Variants in MGLL observed in about 807,000 individuals in gnomAD.
MGLL encodes monoglyceride lipase.
In MGLL, 7 loss-of-function variants were observed where a neutral mutation model predicts 29.1. That is an observed-to-expected ratio of 0.24 (90% confidence interval 0.14 to 0.45). The LOEUF (loss-of-function observed/expected upper bound fraction) is 0.45, where lower values mean the gene tolerates loss of function less well. Among genes scored for constraint, MGLL ranks in the 20% least tolerant of loss-of-function variants. The pLI is 0.99. For missense variants in MGLL, 356 were observed against 413.6 expected, an observed-to-expected ratio of 0.86 and a Z score of 1.21; for synonymous variants, 148 against 168.3, an observed-to-expected ratio of 0.88 and a Z score of 0.93.
intron 2 of MGLL, among the ~76,000 whole-genome samples, chr3:127,796,028 G>A (rs1433014782): frequency 1.3e-5 from 2 of 152,088 alleles, no homozygotes; most frequent in African/African-American, 2.4e-5. Flanking sequence ...ATCTTCCCAT[G>A]GAAATAGCAT....
At position 127,691,824 on chromosome 3, in the gene MGLL, G is replaced by A. The variant is rs1025521538; in HGVS notation, c.*374C>T. On this transcript the variant is annotated 3_prime_UTR_variant, in exon 8 of 8. Coordinates refer to ENST00000265052, the MANE Select transcript of MGLL (RefSeq NM_007283.7). Reference sequence around the variant, plus strand: ...GCGTGAGCGAAGGGTGGGCAGGAAGGAGGCGCCTCCAGTTATTGCAGTCTG... The same window carrying A: ...GCGTGAGCGAAGGGTGGGCAGGAAGAAGGCGCCTCCAGTTATTGCAGTCTG... The A allele has an allele frequency of 3.5e-6, 1 of 289,308 alleles. No homozygotes were observed. The highest frequency in any genetic ancestry group is 6.7e-6 in the Non-Finnish European group (1 of 149,722). 17.9% of individuals were successfully genotyped at this position (289,308 alleles called of 1,614,324 possible).
Position 127,761,674 on chromosome 3 carries a change from G to T in MGLL, c.262+20115C>A, listed in dbSNP as rs570224539. 6.6e-6 allele frequency among the ~76,000 whole-genome samples: 1 copy of T among 152,330 alleles called. No homozygotes were observed. Among genetic ancestry groups the T allele is most frequent in the East Asian group, 1.9e-4 (1 of 5,188 alleles). On this transcript the variant is annotated intron_variant, in intron 3 of 7. Transcript: ENST00000265052. This position sits in a 1 kb window ranked among gnomAD's most constrained non-coding sequence, Gnocchi z 4.6. Reference sequence around the variant, plus strand: ...GTGAGGACACGGAGGCACAGAGAGGGCTGGCGCACAGCCGGCCGTGGGCAG... The same window carrying T: ...GTGAGGACACGGAGGCACAGAGAGGTCTGGCGCACAGCCGGCCGTGGGCAG...
At chr3:127,797,892 G>A (rs537737482) in intron 2 of MGLL, among the ~76,000 whole-genome samples, 122 of 152,182 alleles carry the variant, frequency 8.0e-4, no homozygotes, top group African/African-American at 2.8e-3. Flanking sequence ...AGGCATGTGG[G>A]CCCACCATAC....
At chr3:127,820,390 C>T (rs140135369) in intron 2 of MGLL, among the ~76,000 whole-genome samples, 185 of 152,322 alleles carry the variant, frequency 1.2e-3, no homozygotes, top group African/African-American at 4.2e-3. Flanking sequence ...CACCCTCCCC[C>T]TGTGCCAGGA....
intron 3 of MGLL, among the ~76,000 whole-genome samples, chr3:127,755,526 G>A (rs2076647709): frequency 2.6e-5 from 4 of 152,164 alleles, no homozygotes; most frequent in Admixed American, 2.6e-4. Flanking sequence ...GTGGGTGGGA[G>A]GTGCACGGTC....
chr3:127,747,526 C>T (rs2076471297), intron 3 of MGLL, among the ~76,000 whole-genome samples: 1 of 152,172 alleles, frequency 6.6e-6, no homozygotes, highest in African/African-American at 2.4e-5. Context: ...CACAGATTCT[C>T]AAGAATAAGA....
At chr3:127,771,855 CATGT>C (rs1425055459) in intron 3 of MGLL, among the ~76,000 whole-genome samples, 3 of 152,200 alleles carry the variant, frequency 2.0e-5, no homozygotes, top group South Asian at 4.2e-4. Flanking sequence ...CCAGGGGCAG[CATGT>C]ATGTGGGGAG....
chr3:127,731,745 C>T (rs1190309010), intron 3 of MGLL, among the ~76,000 whole-genome samples: 4 of 152,226 alleles, frequency 2.6e-5, no homozygotes, highest in Admixed American at 2.6e-4. Flanking sequence ...CCCTCTGGCC[C>T]CTGACCTGCC....
At chr3:127,732,323 C>G (rs549801949) in intron 3 of MGLL, among the ~76,000 whole-genome samples, 19 of 152,246 alleles carry the variant, frequency 1.2e-4, no homozygotes, top group African/African-American at 4.6e-4. Context: ...GGATTCTTTC[C>G]CCATTTTCTA....
chr3:127,758,566 C>T (rs1247003229), intron 3 of MGLL, among the ~76,000 whole-genome samples: 1 of 152,230 alleles, frequency 6.6e-6, no homozygotes, highest in East Asian at 1.9e-4. Flanking sequence ...AGAGCAGCCC[C>T]TGAGCCTTGT....
chr3:127,702,069 G>C (rs1344335976), intron 6 of MGLL, among the ~76,000 whole-genome samples: 1 of 152,226 alleles, frequency 6.6e-6, no homozygotes, highest in Non-Finnish European at 1.5e-5. Flanking sequence ...GGGATCTGAG[G>C]AAGGGCAAGA....
chr3:127,778,902 C>T (rs915829709), intron 3 of MGLL, among the ~76,000 whole-genome samples: 2 of 152,080 alleles, frequency 1.3e-5, no homozygotes, highest in Non-Finnish European at 2.9e-5. Flanking sequence ...TAGGTATATA[C>T]CATGGGGCCC....
Position 127,692,218 on chromosome 3 carries a change from C to A in MGLL, c.922G>T (p.Gly308Ter), listed in dbSNP as rs1559900283. The change falls in exon 8 of 8, where the codon GGA (glycine) becomes TGA (stop). Residue 308 changes from glycine (G) to a stop codon, truncating the protein, a stop_gained. Coordinates refer to ENST00000265052, the MANE Select transcript of MGLL (RefSeq NM_007283.7). LOFTEE classifies it high-confidence loss of function. ...TGCATTCAGGGTGGGGACGCAGTTC[C>A]TGCCGTGGCTGTCCTTTGAGAGACC... Reference protein sequence around the residue: ...MWVSQRTATAGTASPP With the variant: ...MWVSQRTATA The A allele has an allele frequency of 1.9e-6, 3 of 1,613,466 alleles. No individual in the cohort carries two copies. The highest frequency in any genetic ancestry group is 1.7e-4 in the Middle Eastern group (1 of 6,060).
chr3:127,800,372 C>G (rs968359153), intron 2 of MGLL, among the ~76,000 whole-genome samples: 3 of 152,202 alleles, frequency 2.0e-5, no homozygotes, highest in Admixed American at 2.0e-4. Context: ...TAATAAGACC[C>G]CTTACATGGG....
chr3:127,765,205 T>C (rs764855315), intron 3 of MGLL, among the ~76,000 whole-genome samples: 1 of 152,210 alleles, frequency 6.6e-6, no homozygotes, highest in Non-Finnish European at 1.5e-5. Flanking sequence ...TGTAAGTAAT[T>C]TGACTTTTTT....
intron 3 of MGLL, among the ~76,000 whole-genome samples, chr3:127,770,245 C>T (rs1443053584): frequency 6.6e-6 from 1 of 152,146 alleles, no homozygotes; most frequent in African/African-American, 2.4e-5. Flanking sequence ...TGGTCTCAAA[C>T]TCCTGGCCTC....
chr3:127,822,232 T>C (rs1433507094), intron 1 of MGLL, 77 bp downstream of exon 1: 11 of 1,508,406 alleles, frequency 7.3e-6, no homozygotes, highest in Non-Finnish European at 9.2e-6. Flanking sequence ...AGGAACAGTT[T>C]CAAGTGGGCA....
At chr3:127,723,644 T>G (rs1049093548) in intron 3 of MGLL, among the ~76,000 whole-genome samples, 8 of 152,174 alleles carry the variant, frequency 5.3e-5, no homozygotes, top group Admixed American at 3.9e-4. Flanking sequence ...CCTTCTGAGC[T>G]TTTTTCTCTT....
Position 127,710,611 on chromosome 3 carries a change from TG to T in MGLL, c.564del (p.Ile189SerfsTer21). 6.4e-7 allele frequency: 1 copy of T among 1,572,290 alleles called. No homozygotes were observed. Among genetic ancestry groups the T allele is most frequent in the Non-Finnish European group, 8.6e-7 (1 of 1,157,698 alleles). ...TTCCGAGAGAGCACGCTGGAGTCGA[TG>T]GGCCCGAGGGACAAGTTTGGCAGCA... ...NLVLPNLSLG[P>X]IDSSVLSRNK... On this transcript the variant is annotated frameshift_variant, in exon 6 of 8. Coordinates refer to ENST00000265052, the MANE Select transcript of MGLL (RefSeq NM_007283.7). LOFTEE classifies it high-confidence loss of function.
Sources: gnomAD v4.1 joint callset for allele counts (sites outside exome capture counted in the v4.1 genomes callset) on GRCh38, gnomAD v4.1.1 for gene constraint, Gnocchi (gnomAD v3.1) non-coding constraint, MANE v1.5 for transcripts, NCBI Gene and HGNC (gene_info 2026-07-23, HGNC 2026-07-21) for gene names.